The following SLC7A2 variants were observed in gnomAD, a reference collection of about 807,000 sequenced individuals.
SLC7A2 encodes the protein cationic amino acid transporter 2.
SLC7A2 carries 48 observed loss-of-function variants against 58.9 expected under a neutral mutation model. That is an observed-to-expected ratio of 0.82 (90% CI 0.65 to 1.04). The LOEUF (loss-of-function observed/expected upper bound fraction) is 1.04. Ranked by LOEUF, SLC7A2 falls within the 50% of genes least tolerant of loss-of-function variation. SLC7A2 has a pLI of 0.00. For missense variants in SLC7A2, 1,029 were observed against 818.8 expected, an observed-to-expected ratio of 1.26 and a Z score of -3.13; for synonymous variants, 363 against 314.5, an observed-to-expected ratio of 1.15 and a Z score of -1.63.
intron 2 of SLC7A2, among the ~76,000 whole-genome samples, chr8:17,535,875 C>T (rs1223841586): frequency 6.6e-6 from 1 of 152,084 alleles, no homozygotes; most frequent in Non-Finnish European, 1.5e-5. Context: ...TGCACTCCAG[C>T]CTGGGTGAAA....
intron 1 of SLC7A2, among the ~76,000 whole-genome samples, chr8:17,502,014 TCTTTC>T (rs1800180806): frequency 6.6e-6 from 1 of 152,058 alleles, no homozygotes; most frequent in Non-Finnish European, 1.5e-5. Context: ...AAAATTCTCT[TCTTTC>T]CTTAACCCAT....
chr8:17,504,176 A>G (rs923336886), intron 2 of SLC7A2, among the ~76,000 whole-genome samples: 2 of 152,234 alleles, frequency 1.3e-5, no homozygotes, highest in Non-Finnish European at 2.9e-5. Context: ...TCATCCTGAA[A>G]CAAAATGGCA....
rs539207836 is a variant in SLC7A2 at position 17,567,888 on chromosome 8, C to T, written c.*2742C>T. 2 of 152,238 alleles carry T rather than the reference C, an allele frequency of 1.3e-5. No homozygotes were observed. Among genetic ancestry groups the T allele is most frequent in the South Asian group, 4.2e-4 (2 of 4,818 alleles). 9.4% of individuals were successfully genotyped at this position (152,238 alleles called of 1,614,324 possible). A position where few individuals can be genotyped will look rare whatever the true frequency, so the allele number is the denominator to read the frequency against. ...GAAGAGGTAGGGGCATTTGGGGATT[C>T]CTGTTTACTTGCTGCTGCCACACCT... is the stretch of plus-strand genomic sequence containing the variant. On this transcript the variant is annotated 3_prime_UTR_variant, in exon 13 of 13. Coordinates refer to ENST00000494857, the MANE Select transcript of SLC7A2 (RefSeq NM_001370338.1).
At chr8:17,528,189 A>G (rs558657449) in intron 2 of SLC7A2, among the ~76,000 whole-genome samples, 90 of 152,202 alleles carry the variant, frequency 5.9e-4, no homozygotes, top group Non-Finnish European at 1.0e-3. Context: ...GAGCAGACCC[A>G]GCAGAGCTCC....
intron 2 of SLC7A2, among the ~76,000 whole-genome samples, chr8:17,530,907 A>T (rs1166530306): frequency 6.6e-6 from 1 of 152,148 alleles, no homozygotes; most frequent in Non-Finnish European, 1.5e-5. Context: ...CTGAAATCTC[A>T]TTCTTTATAT....
intron 2 of SLC7A2, among the ~76,000 whole-genome samples, chr8:17,503,918 G>T (rs946897176): frequency 3.3e-5 from 5 of 152,170 alleles, no homozygotes; most frequent in African/African-American, 9.7e-5. Flanking sequence ...CCTAGAAGGA[G>T]CCTGGGGTGA....
intron 2 of SLC7A2, among the ~76,000 whole-genome samples, chr8:17,522,980 A>T (rs192598795): frequency 6.6e-6 from 1 of 152,202 alleles, no homozygotes; most frequent in Non-Finnish European, 1.5e-5. Context: ...GGCTACAGTG[A>T]CCCATGATCA....
intron 2 of SLC7A2, among the ~76,000 whole-genome samples, chr8:17,515,397 G>C (rs1800766892): frequency 6.6e-6 from 1 of 151,706 alleles, no homozygotes; most frequent in Non-Finnish European, 1.5e-5. Context: ...CCAGGTTCAA[G>C]CGATTCTCCT....
rs189137876 is a variant in SLC7A2, at chr8:17,503,906, A to G, written c.-23+1604A>G. 4.6e-5 allele frequency among the ~76,000 whole-genome samples: 7 copies of G among 152,304 alleles called. No individual in the cohort carries two copies. In the East Asian group the frequency reaches 1.4e-3, roughly 29 times the overall value. ...CGTCTTTGCTCTTGAGTTCTGGGGAAACCTAGAAGGAGCCTGGGGTGAGTT... is the reference window on the plus strand; with the variant it reads ...CGTCTTTGCTCTTGAGTTCTGGGGAGACCTAGAAGGAGCCTGGGGTGAGTT... On this transcript the variant is annotated intron_variant, in intron 2 of 12. Transcript: ENST00000494857.
At position 17,563,681 on chromosome 8, in the gene SLC7A2, T is replaced by C. The variant is rs760402510; in HGVS notation, c.1750T>C (p.Trp584Arg). The change falls in exon 12 of 13, where the codon TGG becomes CGG. Residue 584 changes from tryptophan to arginine, a missense_variant. By Grantham distance (101) the Trp-to-Arg change is moderately radical (BLOSUM62 -3). Transcript: ENST00000494857. ...GATGGTCCAGTTAAGTGCAGACACT[T>C]GGGTCAGATTCAGCATTTGGATGGC... ...YLMVQLSADT[W>R]VRFSIWMAIG... The C allele has an allele frequency of 5.0e-6, 8 of 1,611,656 alleles. No homozygotes were observed. The African/African-American group carries it at 1.1e-4, about 22-fold the overall frequency.
chr8:17,498,336 T>C (rs1053004031), intron 1 of SLC7A2, among the ~76,000 whole-genome samples: 1 of 152,238 alleles, frequency 6.6e-6, no homozygotes, highest in African/African-American at 2.4e-5. Context: ...TTTTTCATTC[T>C]TGCCTGAGCT....
At position 17,550,337 on chromosome 8, in the gene SLC7A2, G is replaced by C; in HGVS notation, c.735G>C (p.Gly245=). The change falls in exon 6 of 13, where the codon GGG becomes GGC. Residue 245 remains glycine, a synonymous_variant. Transcript: ENST00000494857. ...PPSENGTSIY[G]AGGFMPYGFT... ...CTGAAAACGGAACAAGTATCTATGG[G>C]GCTGGTGGCTTTATGCCTTATGGCT... 5 of 1,614,056 alleles carry C rather than the reference G, an allele frequency of 3.1e-6. No homozygotes were observed. The highest frequency in any genetic ancestry group is 4.2e-6 in the Non-Finnish European group (5 of 1,179,946).
intron 6 of SLC7A2, 97 bp downstream of exon 6, chr8:17,550,531 T>G: frequency 8.4e-7 from 1 of 1,197,416 alleles, no homozygotes; most frequent in Non-Finnish European, 1.2e-6. Flanking sequence ...GAGAGAGGGA[T>G]TTCGGGTAAG....
In SLC7A2 at chr8:17,563,617, A is replaced by G. The variant is rs1803125508; in HGVS notation, c.1686A>G (p.Pro562=). 5 of 1,609,868 alleles carry G rather than the reference A, an allele frequency of 3.1e-6. No homozygotes were observed. The highest frequency in any genetic ancestry group is 4.2e-6 in the Non-Finnish European group (5 of 1,176,814). The change falls in exon 12 of 13, where the codon CCA becomes CCG. Residue 562 remains proline, a synonymous_variant. Coordinates refer to ENST00000494857, the MANE Select transcript of SLC7A2 (RefSeq NM_001370338.1). ...QKVAFMVPFL[P]FLPAFSILVN... Reference sequence around the variant, plus strand: ...TTCCCCCTCAGGTTCCATTCTTACCATTTTTGCCAGCGTTCAGCATCTTGG... The same window carrying G: ...TTCCCCCTCAGGTTCCATTCTTACCGTTTTTGCCAGCGTTCAGCATCTTGG...
chr8:17,563,547 T>G, intron 11 of SLC7A2, 56 bp from the exon 12 acceptor site: 1 of 1,060,656 alleles, frequency 9.4e-7, no homozygotes, highest in Non-Finnish European at 1.4e-6. Context: ...TTGAAATAAC[T>G]TGGGGAATAT....
chr8:17,532,229 CAAAAAAAAAAAAAA>C (rs534441508), intron 2 of SLC7A2, among the ~76,000 whole-genome samples: 3 of 46,202 alleles, frequency 6.5e-5, no homozygotes, highest in Admixed American at 3.3e-4. Context: ...GACTCTATCT[CAAAAAAAAAAAAAA>C]AAAAAAAAAA....
chr8:17,497,699 C>T (rs1239275718), intron 1 of SLC7A2, among the ~76,000 whole-genome samples: 1 of 152,238 alleles, frequency 6.6e-6, no homozygotes. Context: ...CGCCTTCGCT[C>T]CTTTTCGGTT....
chr8:17,542,760 C>G (rs973508729), intron 2 of SLC7A2, among the ~76,000 whole-genome samples: 1 of 152,098 alleles, frequency 6.6e-6, no homozygotes, highest in African/African-American at 2.4e-5. Flanking sequence ...ATGAAATTAG[C>G]CATCTCTTGA....
chr8:17,561,866 C>T, intron 10 of SLC7A2, 78 bp from the exon 11 acceptor site: 1 of 1,357,660 alleles, frequency 7.4e-7, no homozygotes, highest in Non-Finnish European at 1.0e-6. Flanking sequence ...AGTGTTTTAT[C>T]AGAATATGCT....
Sources: gnomAD v4.1 joint callset for allele counts (sites outside exome capture counted in the v4.1 genomes callset) on GRCh38, gnomAD v4.1.1 for gene constraint, MANE v1.5 for transcripts, NCBI Gene and HGNC (gene_info 2026-07-23, HGNC 2026-07-21) for gene names.